Variants in B3GALT1 observed in about 807,000 individuals in gnomAD.
B3GALT1 encodes the protein beta-1,3-galactosyltransferase 1, also known as UDP-Gal:betaGlcNAc beta 1,3-galactosyltransferase, polypeptide 1.
Under a neutral mutation model 23.2 loss-of-function variants are expected in B3GALT1, and 10 were observed. That is an observed-to-expected ratio of 0.43 (90% CI 0.27 to 0.73). The LOEUF (loss-of-function observed/expected upper bound fraction) is 0.73, where lower values mean the gene tolerates loss of function less well. Ranked by LOEUF, B3GALT1 falls within the 30% of genes least tolerant of loss-of-function variation. The pLI, the probability that B3GALT1 is intolerant of heterozygous loss-of-function variation, is 0.21. For synonymous variants in B3GALT1, 156 were observed against 141.5 expected (o/e 1.10, Z -0.73); for missense variants, 299 against 405.4 (o/e 0.74, Z 2.25).
At chr2:167,857,012 G>C (rs1030279889) in intron 4 of B3GALT1, among the ~76,000 whole-genome samples, 2 of 152,138 alleles carry the variant, frequency 1.3e-5, no homozygotes, top group Non-Finnish European at 2.9e-5. Context: ...GGATTAATGT[G>C]ATTTTGAAAC....
intron 2 of B3GALT1, among the ~76,000 whole-genome samples, chr2:167,604,969 C>G (rs1444831169): frequency 3.3e-5 from 5 of 152,180 alleles, no homozygotes; most frequent in Admixed American, 2.6e-4. Context: ...TAAGAACTCA[C>G]AAGAGGTTGT....
chr2:167,372,895 T>TC (rs1307907687), intron 1 of B3GALT1, among the ~76,000 whole-genome samples: 2 of 151,914 alleles, frequency 1.3e-5, no homozygotes, highest in Non-Finnish European at 1.5e-5. Context: ...ATGTCAGCTC[T>TC]CCCCCAAATT....
At chr2:167,636,812 A>G (rs1685564659) in intron 2 of B3GALT1, among the ~76,000 whole-genome samples, 1 of 152,004 alleles carries the variant, frequency 6.6e-6, no homozygotes. Flanking sequence ...TGGGAGAGGA[A>G]CATCACACAC....
At chr2:167,621,873 T>A (rs2105439990) in intron 2 of B3GALT1, among the ~76,000 whole-genome samples, 1 of 152,198 alleles carries the variant, frequency 6.6e-6, no homozygotes, top group Admixed American at 6.6e-5. Flanking sequence ...TTGCTTCCCC[T>A]TCCCTTTCCA....
intron 3 of B3GALT1, among the ~76,000 whole-genome samples, chr2:167,690,136 A>G (rs2105500433): frequency 6.6e-6 from 1 of 152,280 alleles, no homozygotes; most frequent in East Asian, 1.9e-4. Flanking sequence ...TGAGCTATAG[A>G]TAAACAATGA....
intron 3 of B3GALT1, among the ~76,000 whole-genome samples, chr2:167,748,071 A>G (rs921958390): frequency 6.6e-6 from 1 of 152,206 alleles, no homozygotes; most frequent in African/African-American, 2.4e-5. Context: ...AATACAAAAA[A>G]GCTGTTTCCA....
At chr2:167,861,546 A>C (rs1690099783) in intron 4 of B3GALT1, among the ~76,000 whole-genome samples, 1 of 152,202 alleles carries the variant, frequency 6.6e-6, no homozygotes, top group Non-Finnish European at 1.5e-5. Context: ...AATCAAAAAA[A>C]GCCAAGCAAA....
At chr2:167,543,786 T>G (rs566319636) in intron 2 of B3GALT1, among the ~76,000 whole-genome samples, 1 of 152,230 alleles carries the variant, frequency 6.6e-6, no homozygotes, top group Non-Finnish European at 1.5e-5. Flanking sequence ...GTGTCTTTAT[T>G]CCTTCTTGAG....
chr2:167,503,493 TAAAG>T (rs981523681), intron 2 of B3GALT1, among the ~76,000 whole-genome samples: 2 of 152,162 alleles, frequency 1.3e-5, no homozygotes, highest in African/African-American at 4.8e-5. Context: ...AATGTCAAAA[TAAAG>T]AAGCTTAACA....
chr2:167,411,772 T>C (rs184774052), intron 1 of B3GALT1, among the ~76,000 whole-genome samples: 1 of 152,336 alleles, frequency 6.6e-6, no homozygotes, highest in East Asian at 1.9e-4. Context: ...TCCATGTTTA[T>C]TGTAGCACTA....
chr2:167,549,608 C>T lies in B3GALT1; in HGVS notation c.-410+59331C>T, dbSNP rs1469980775. 2.0e-5 allele frequency among the ~76,000 whole-genome samples: 3 copies of T among 152,242 alleles called. No individual in the cohort carries two copies. In the South Asian group the frequency reaches 6.2e-4, roughly 32 times the overall value. Reference sequence around the variant, plus strand: ...GCTTACCTATACCTGACAAGTGTGCCTCCCCTTCCTTGGTGTGGAGACATC... The same window carrying T: ...GCTTACCTATACCTGACAAGTGTGCTTCCCCTTCCTTGGTGTGGAGACATC... On this transcript the variant is annotated intron_variant, in intron 2 of 4. Transcript: ENST00000392690.
rs576101224 is a variant in B3GALT1 at position 167,559,081 on chromosome 2, T to C, written c.-410+68804T>C. Among the ~76,000 whole-genome samples the C allele has an allele frequency of 2.3e-4, 35 of 152,268 alleles. No homozygotes were observed. The South Asian group carries it at 7.3e-3, about 32-fold the overall frequency. ...CCCCCAGCAGGGGCAGACTGACACC[T>C]CACACGGCCGGGTACTCCTCTGAGA... On this transcript the variant is annotated intron_variant, in intron 2 of 4. Transcript: ENST00000392690.
At chr2:167,789,892 G>T (rs991582807) in intron 3 of B3GALT1, among the ~76,000 whole-genome samples, 2 of 152,228 alleles carry the variant, frequency 1.3e-5, no homozygotes, top group East Asian at 1.9e-4. Context: ...CAAATCTGCA[G>T]AGAGAAGGGT....
intron 3 of B3GALT1, among the ~76,000 whole-genome samples, chr2:167,708,098 C>G (rs961237589): frequency 4.6e-5 from 7 of 152,182 alleles, no homozygotes; most frequent in Non-Finnish European, 8.8e-5. Flanking sequence ...TTTTCACCAT[C>G]CCACACATGG....
chr2:167,377,509 A>C (rs182337095), intron 1 of B3GALT1, among the ~76,000 whole-genome samples: 20 of 152,204 alleles, frequency 1.3e-4, no homozygotes, highest in African/African-American at 4.6e-4. Context: ...AGGGTGCTCT[A>C]ATGTTCAGTG....
At chr2:167,346,490 A>G (rs1346585220) in intron 1 of B3GALT1, among the ~76,000 whole-genome samples, 2 of 152,206 alleles carry the variant, frequency 1.3e-5, no homozygotes, top group African/African-American at 2.4e-5. Flanking sequence ...ATGTCAATGT[A>G]ATGCAAAATT....
chr2:167,592,261 T>C (rs1684696875), intron 2 of B3GALT1, among the ~76,000 whole-genome samples: 1 of 152,210 alleles, frequency 6.6e-6, no homozygotes, highest in Non-Finnish European at 1.5e-5. Flanking sequence ...ATGAGGCTAA[T>C]GCAGTCACTG....
intron 3 of B3GALT1, among the ~76,000 whole-genome samples, chr2:167,703,066 G>C (rs1397903227): frequency 6.6e-6 from 1 of 152,102 alleles, no homozygotes; most frequent in Non-Finnish European, 1.5e-5. Context: ...AACCCCTTAG[G>C]GCATCAGGGG....
At chr2:167,691,811 A>G (rs1238934399) in intron 3 of B3GALT1, among the ~76,000 whole-genome samples, 1 of 152,170 alleles carries the variant, frequency 6.6e-6, no homozygotes, top group Admixed American at 6.6e-5. Flanking sequence ...GTGTTAGATA[A>G]AGATAACAAG....
Sources: allele counts gnomAD v4.1 joint callset (sites outside exome capture counted in the v4.1 genomes callset), GRCh38; gene constraint gnomAD v4.1.1; transcripts MANE v1.5; gene names NCBI Gene and HGNC (gene_info 2026-07-23, HGNC 2026-07-21).